The following KCNN4 variants were observed in gnomAD, a reference collection of about 807,000 sequenced individuals.
KCNN4 encodes potassium calcium-activated channel subfamily N member 4.
In KCNN4, 31 loss-of-function variants were observed where a neutral mutation model predicts 45.2. That is an observed-to-expected ratio of 0.69 (90% confidence interval 0.52 to 0.92). KCNN4 has a LOEUF of 0.92. KCNN4 is among the 40% of genes least tolerant of loss of function. The pLI, the probability that KCNN4 is intolerant of heterozygous loss-of-function variation, is 0.00. For synonymous variants in KCNN4, 231 were observed against 254.6 expected (o/e 0.91, Z 0.88); for missense variants, 463 against 574.0 (o/e 0.81, Z 1.98).
chr19:43,774,221 G>C lies in KCNN4; in HGVS notation c.654C>G (p.Thr218=), dbSNP rs771906612. The part of the protein sequence containing the change: ...LLGLTLGLWL[T]TAWVLSVAER... The stretch of plus-strand genomic sequence containing the variant: ...CGGCCACGGACAGCACCCAGGCGGT[G>C]GTCAGCCAGAGGCCAAGCGTGAGGC... The change falls in exon 3 of 9, where the codon ACC becomes ACG. Residue 218 remains threonine, a synonymous_variant. Coordinates refer to ENST00000648319, the MANE Select transcript of KCNN4 (RefSeq NM_002250.3). The surrounding 1 kb of genome is among the most constrained non-coding windows in gnomAD (Gnocchi z 5.6). 1 of 1,612,782 alleles carries C rather than the reference G, an allele frequency of 6.2e-7. No individual in the cohort carries two copies. Among genetic ancestry groups the C allele is most frequent in the South Asian group, 1.1e-5 (1 of 90,924 alleles).
chr19:43,769,344 G>T lies in KCNN4; in HGVS notation c.1049+98C>A. On this transcript the variant is annotated intron_variant, in intron 6 of 8. Transcript: ENST00000648319. This position sits in a 1 kb window ranked among gnomAD's most constrained non-coding sequence, Gnocchi z 4.4. ...GAGTGAGACCACACCTGGGTGTCCT[G>T]ACCTGGACAGGCATGGACATGCACA... The T allele has an allele frequency of 1.0e-6, 1 of 968,052 alleles. No individual in the cohort carries two copies. Among genetic ancestry groups the T allele is most frequent in the Non-Finnish European group, 1.6e-6 (1 of 613,490 alleles). 60.0% of individuals were successfully genotyped at this position (968,052 alleles called of 1,614,324 possible).
In KCNN4 at chr19:43,776,644, G is replaced by C. The variant is rs775420730; in HGVS notation, c.160-8C>G. On this transcript the variant is annotated splice_region_variant and splice_polypyrimidine_tract_variant and intron_variant, in intron 1 of 8. Coordinates refer to ENST00000648319, the MANE Select transcript of KCNN4 (RefSeq NM_002250.3). ...GAACAGGTAGAGCGCCCACTGTCAGGGGGGACGGAAAAAGCGGTGTGAGAT... is the reference window on the plus strand; with the variant it reads ...GAACAGGTAGAGCGCCCACTGTCAGCGGGGACGGAAAAAGCGGTGTGAGAT... The C allele has an allele frequency of 7.5e-6, 12 of 1,597,980 alleles. No homozygotes were observed. The highest frequency in any genetic ancestry group is 1.7e-5 in the Admixed American group (1 of 59,964).
At chr19:43,780,578 T>A in intron 1 of KCNN4, 125 bp downstream of exon 1, 6 of 471,716 alleles carry the variant, frequency 1.3e-5, no homozygotes, top group Non-Finnish European at 1.8e-5. Flanking sequence ...CCTCAGCCCC[T>A]CCTCCCTCAG....
Position 43,769,080 on chromosome 19 carries a change from G to A in KCNN4, c.1050-48C>T, listed in dbSNP as rs1385660980. The A allele has an allele frequency of 6.4e-7, 1 of 1,572,372 alleles. No individual in the cohort carries two copies. Among genetic ancestry groups the A allele is most frequent in the East Asian group, 2.2e-5 (1 of 44,630 alleles). Reference sequence around the variant, plus strand: ...AGTTTTACAAGCCTGGTCCCTGAATGTAGCTGTAGCTCAGGGGAGGAATGA... The same window carrying A: ...AGTTTTACAAGCCTGGTCCCTGAATATAGCTGTAGCTCAGGGGAGGAATGA... On this transcript the variant is annotated intron_variant, in intron 6 of 8. Coordinates refer to ENST00000648319, the MANE Select transcript of KCNN4 (RefSeq NM_002250.3). This position sits in a 1 kb window ranked among gnomAD's most constrained non-coding sequence, Gnocchi z 4.4.
Position 43,769,466 on chromosome 19 carries a change from C to T in KCNN4, c.1025G>A (p.Arg342His), listed in dbSNP as rs199638500. ...CGCGTTGATGGCGGCCAGCAGCTTG[C>T]GCTGATGCCTGCGGGCAGCATGAGA... is the stretch of plus-strand genomic sequence containing the variant. ...KESHAARRHQRKLLAAINAFR... is the reference protein window; with the variant it reads ...KESHAARRHQHKLLAAINAFR... The change falls in exon 6 of 9, where the codon CGC becomes CAC. Residue 342 changes from arginine (R) to histidine (H), a missense_variant. By Grantham distance (29) the Arg-to-His change is conservative. Around this residue, in one of 3 missense-constraint regions of KCNN4, gnomAD observed 129 missense variants for 149.4 expected, o/e 0.86. Coordinates refer to ENST00000648319, the MANE Select transcript of KCNN4 (RefSeq NM_002250.3). This position sits in a 1 kb window ranked among gnomAD's most constrained non-coding sequence, Gnocchi z 4.4. The T allele has an allele frequency of 4.3e-6, 7 of 1,614,176 alleles. No individual in the cohort carries two copies. The highest frequency in any genetic ancestry group is 3.3e-5 in the Admixed American group (2 of 60,024).
Position 43,769,147 on chromosome 19 carries a change from G to A in KCNN4, c.1050-115C>T. On this transcript the variant is annotated intron_variant, in intron 6 of 8. Coordinates refer to ENST00000648319, the MANE Select transcript of KCNN4 (RefSeq NM_002250.3). The surrounding 1 kb of genome is among the most constrained non-coding windows in gnomAD (Gnocchi z 4.4). ...TGAAGAAACAAAACAAAGAAACAAA[G>A]TTGTCGAAGAGCTGAAAGAGTGGGA... is the stretch of plus-strand genomic sequence containing the variant. 8.3e-7 allele frequency: 1 copy of A among 1,200,368 alleles called. No homozygotes were observed. The highest frequency in any genetic ancestry group is 1.8e-5 in the Admixed American group (1 of 55,494). The allele number at this position is 1,200,368 out of a possible 1,614,324, so 74.4% of individuals were successfully genotyped here. A position where few individuals can be genotyped will look rare whatever the true frequency, so the allele number is the denominator to read the frequency against.
rs1057373571 is a variant in KCNN4 at position 43,774,138 on chromosome 19, C to T, written c.683+54G>A. ...AACCTGCACCGCGGCACAGGACGGCCGCCGTGGCTGTCCGGGGTTCCCCCC... is the reference window on the plus strand; with the variant it reads ...AACCTGCACCGCGGCACAGGACGGCTGCCGTGGCTGTCCGGGGTTCCCCCC... On this transcript the variant is annotated intron_variant, in intron 3 of 8. Transcript: ENST00000648319. This position sits in a 1 kb window ranked among gnomAD's most constrained non-coding sequence, Gnocchi z 5.6. The T allele has an allele frequency of 2.0e-6, 3 of 1,530,000 alleles. No homozygotes were observed. Among genetic ancestry groups the T allele is most frequent in the Non-Finnish European group, 2.7e-6 (3 of 1,131,866 alleles). The allele number at this position is 1,530,000 out of a possible 1,614,324, so 94.8% of individuals were successfully genotyped here.
chr19:43,768,759 G>A (rs1314234905), intron 7 of KCNN4, among the ~76,000 whole-genome samples: 2 of 150,210 alleles, frequency 1.3e-5, no homozygotes, highest in Admixed American at 6.6e-5. Context: ...TTTTCAGTTT[G>A]TAAGGGATCT....
intron 4 of KCNN4, 134 bp downstream of exon 4, chr19:43,771,866 G>C: frequency 8.9e-7 from 1 of 1,120,434 alleles, no homozygotes; most frequent in Non-Finnish European, 1.2e-6. Context: ...TGGGGCTCTG[G>C]GGGCCCCAGA....
intron 2 of KCNN4, among the ~76,000 whole-genome samples, chr19:43,775,144 G>T (rs1443756950): frequency 6.6e-6 from 1 of 152,196 alleles, no homozygotes; most frequent in East Asian, 1.9e-4. Context: ...TGGCCAACAT[G>T]GTGAAACTCC....
chr19:43,777,562 C>T (rs1969849473), intron 1 of KCNN4, among the ~76,000 whole-genome samples: 1 of 152,184 alleles, frequency 6.6e-6, no homozygotes, highest in South Asian at 2.1e-4. Flanking sequence ...ACAGCCCCCT[C>T]GGTTCTGCCC....
At chr19:43,780,370 C>G (rs967773730) in intron 1 of KCNN4, among the ~76,000 whole-genome samples, 1 of 149,752 alleles carries the variant, frequency 6.7e-6, no homozygotes, top group African/African-American at 2.5e-5. Context: ...TCCCTCAGAT[C>G]CAGGAGTCCT....
At chr19:43,780,674 C>A (rs202034575) in intron 1 of KCNN4, 29 bp downstream of exon 1, 3 of 1,596,394 alleles carry the variant, frequency 1.9e-6, no homozygotes, top group Non-Finnish European at 2.6e-6. Context: ...CCTAGGAGTC[C>A]CAGCTCCCAG....
chr19:43,767,507 G>A (rs754677801), intron 8 of KCNN4, 33 bp downstream of exon 8: 14 of 1,602,974 alleles, frequency 8.7e-6, no homozygotes, highest in Admixed American at 8.4e-5. Context: ...CTTCCTCCAG[G>A]ATGCCTTCCT....
At chr19:43,779,721 C>T (rs1196261044) in intron 1 of KCNN4, among the ~76,000 whole-genome samples, 1 of 152,062 alleles carries the variant, frequency 6.6e-6, no homozygotes, top group Non-Finnish European at 1.5e-5. Context: ...TCCCTACTCA[C>T]CACTCATCTT....
intron 2 of KCNN4, among the ~76,000 whole-genome samples, chr19:43,775,404 G>A (rs1325285141): frequency 1.3e-5 from 2 of 152,120 alleles, no homozygotes; most frequent in African/African-American, 2.4e-5. Context: ...GCTCTATCCC[G>A]TTTACATATT....
chr19:43,768,329 G>A (rs915962224), intron 7 of KCNN4, among the ~76,000 whole-genome samples: 6 of 152,222 alleles, frequency 3.9e-5, no homozygotes, highest in South Asian at 2.1e-4. Context: ...GTGGGCTAAC[G>A]AGAAAAAGCA....
chr19:43,780,676 A>G, intron 1 of KCNN4, 27 bp downstream of exon 1: 1 of 1,278,038 alleles, frequency 7.8e-7, no homozygotes, highest in Non-Finnish European at 1.0e-6. Context: ...TAGGAGTCCC[A>G]GCTCCCAGCC....
chr19:43,769,981 G>A lies in KCNN4; in HGVS notation c.820-152C>T, dbSNP rs1464760531. On this transcript the variant is annotated intron_variant, in intron 4 of 8. Coordinates refer to ENST00000648319, the MANE Select transcript of KCNN4 (RefSeq NM_002250.3). The surrounding 1 kb of genome is among the most constrained non-coding windows in gnomAD (Gnocchi z 4.4). ...GAGAGCCAAGGTCCCAGCTCAGAGC[G>A]GTGGAGCTAGAATCATAAATCGCAT... is the stretch of plus-strand genomic sequence containing the variant. 3.3e-6 allele frequency: 2 copies of A among 603,226 alleles called. No individual in the cohort carries two copies. The highest frequency in any genetic ancestry group is 5.9e-6 in the Non-Finnish European group (2 of 337,342). The allele number at this position is 603,226 out of a possible 1,614,324, so 37.4% of individuals were successfully genotyped here.
Sources: gnomAD v4.1 joint callset for allele counts (sites outside exome capture counted in the v4.1 genomes callset) on GRCh38, gnomAD v4.1.1 for gene constraint, gnomAD v4.1.1 regional missense constraint, Gnocchi (gnomAD v3.1) non-coding constraint, MANE v1.5 for transcripts, NCBI Gene and HGNC (gene_info 2026-07-23, HGNC 2026-07-21) for gene names.